ARHGAP26: variants seen among roughly 807,000 people sequenced by gnomAD.
The protein encoded by ARHGAP26 is Rho GTPase activating protein 26.
A neutral mutation model predicts 104.8 loss-of-function variants in ARHGAP26; 38 were observed. The ratio of observed to expected loss-of-function variants is 0.36; its 90% CI spans 0.28 to 0.48. The LOEUF (loss-of-function observed/expected upper bound fraction) is 0.48. Among genes scored for constraint, ARHGAP26 ranks in the 20% least tolerant of loss-of-function variants. The probability of loss-of-function intolerance (pLI) is 0.99; values close to 1 mark genes in which losing one functional copy is unlikely to be tolerated. For synonymous variants in ARHGAP26, 341 were observed against 340.0 expected (o/e 1.00, Z -0.03); for missense variants, 704 against 947.9 (o/e 0.74, Z 3.38).
At chr5:142,885,869 C>CT (rs776926825) in intron 5 of ARHGAP26, among the ~76,000 whole-genome samples, 3 of 152,032 alleles carry the variant, frequency 2.0e-5, no homozygotes, top group Admixed American at 2.0e-4. Context: ...AGTTTTCTTT[C>CT]TTTTTTTATT....
At chr5:143,088,861 A>C (rs1598957793) in intron 17 of ARHGAP26, among the ~76,000 whole-genome samples, 1 of 152,054 alleles carries the variant, frequency 6.6e-6, no homozygotes, top group South Asian at 2.1e-4. Context: ...TGACGGGGTG[A>C]GTGGTTTGGC....
At chr5:142,967,435 A>G (rs1289360197) in intron 11 of ARHGAP26, among the ~76,000 whole-genome samples, 1 of 152,200 alleles carries the variant, frequency 6.6e-6, no homozygotes, top group African/African-American at 2.4e-5. Flanking sequence ...TATTGTCATC[A>G]CTAACGGATG....
At chr5:143,044,633 G>A (rs1186218100) in intron 14 of ARHGAP26, among the ~76,000 whole-genome samples, 1 of 152,224 alleles carries the variant, frequency 6.6e-6, no homozygotes, top group Non-Finnish European at 1.5e-5. Flanking sequence ...CCAGTGGACT[G>A]AGCAGGATTA....
At position 143,220,729 on chromosome 5, in the gene ARHGAP26, T is replaced by A. The variant is rs258825; in HGVS notation, c.2192-1629T>A. Among the ~76,000 whole-genome samples the A allele has an allele frequency of 2.0e-4, 30 of 152,160 alleles. 1 individual carries two copies. In the East Asian group the frequency reaches 5.2e-3, roughly 26 times the overall value. ...TTCCTGAAGCTTAGTGATCTGAAAT[T>A]GGCCAACTTTGGAGGCCAACTAATA... is the stretch of plus-strand genomic sequence containing the variant. On this transcript the variant is annotated intron_variant, in intron 22 of 22. Transcript: ENST00000645722.
chr5:143,122,035 C>T (rs1796203260), intron 18 of ARHGAP26, among the ~76,000 whole-genome samples: 1 of 152,210 alleles, frequency 6.6e-6, no homozygotes, highest in Non-Finnish European at 1.5e-5. Flanking sequence ...CCACCACTAC[C>T]TCTTGTCTGA....
intron 1 of ARHGAP26, among the ~76,000 whole-genome samples, chr5:142,855,396 G>A (rs919267636): frequency 6.6e-6 from 1 of 152,164 alleles, no homozygotes; most frequent in Non-Finnish European, 1.5e-5. Flanking sequence ...TTTTAGAGGT[G>A]CCACTTAAGG....
intron 13 of ARHGAP26, among the ~76,000 whole-genome samples, chr5:143,039,503 G>A (rs1355890328): frequency 1.3e-5 from 2 of 151,512 alleles, no homozygotes; most frequent in East Asian, 1.9e-4. Context: ...CACTGTGCAC[G>A]GTCTAACTTT....
intron 1 of ARHGAP26, among the ~76,000 whole-genome samples, chr5:142,788,849 A>C (rs2151896292): frequency 6.6e-6 from 1 of 152,332 alleles, no homozygotes; most frequent in South Asian, 2.1e-4. Flanking sequence ...TCCACCATTT[A>C]AGTGTTTTCT....
In ARHGAP26 at chr5:142,951,013, CT is replaced by C. The variant is rs1354623701; in HGVS notation, c.1107+18891del. ...TCTTTCCCTTTCTCTTTCCCTTTCC[CT>C]TTCCCTTTCTCTTTCCCTTTCCCTT... On this transcript the variant is annotated intron_variant, in intron 11 of 22. Coordinates refer to ENST00000645722, the MANE Select transcript of ARHGAP26 (RefSeq NM_001135608.3). Among the ~76,000 whole-genome samples the C allele has an allele frequency of 5.8e-4, 4 of 6,864 alleles. 1 individual carries two copies. Among genetic ancestry groups the C allele is most frequent in the African/African-American group, 1.3e-3 (2 of 1,578 alleles). 4.5% of individuals were successfully genotyped at this position (6,864 alleles called of 152,430 possible).
chr5:143,064,268 G>A lies in ARHGAP26; in HGVS notation c.1538+6521G>A, dbSNP rs75183439. The stretch of plus-strand genomic sequence containing the variant: ...ATTCAGGTCTCCTACCTGCCTGGCC[G>A]TGTTGTAGGCATTTGGGTTTTCAAT... On this transcript the variant is annotated intron_variant, in intron 17 of 22. Coordinates refer to ENST00000645722, the MANE Select transcript of ARHGAP26 (RefSeq NM_001135608.3). Among the ~76,000 whole-genome samples the A allele has an allele frequency of 0.025, 3,868 of 152,076 alleles. 760 individuals are homozygous for A. The East Asian group carries it at 0.52, about 20-fold the overall frequency.
intron 11 of ARHGAP26, among the ~76,000 whole-genome samples, chr5:142,943,118 G>GT (rs1163473728): frequency 3.3e-5 from 5 of 152,146 alleles, no homozygotes; most frequent in African/African-American, 1.2e-4. Flanking sequence ...CACGTGTGTT[G>GT]TTTTTTTGTT....
chr5:143,021,698 A>T (rs924469224), intron 12 of ARHGAP26, among the ~76,000 whole-genome samples: 1 of 152,228 alleles, frequency 6.6e-6, no homozygotes, highest in African/African-American at 2.4e-5. Flanking sequence ...TGTAAGAATG[A>T]AAGTTCAGCA....
Position 143,037,278 on chromosome 5 carries a change from G to C in ARHGAP26, c.1210+17G>C, listed in dbSNP as rs1285485740. The C allele has an allele frequency of 6.3e-7, 1 of 1,581,712 alleles. No homozygotes were observed. Among genetic ancestry groups the C allele is most frequent in the African/African-American group, 1.3e-5 (1 of 74,622 alleles). ...AAACCAGAGGTAAAGTAGTTTAACA[G>C]ATGGCATTGTTCTCATAGAAGGTCA... is the stretch of plus-strand genomic sequence containing the variant. On this transcript the variant is annotated intron_variant, in intron 13 of 22. Coordinates refer to ENST00000645722, the MANE Select transcript of ARHGAP26 (RefSeq NM_001135608.3).
At chr5:143,060,346 C>G (rs1786520541) in intron 17 of ARHGAP26, among the ~76,000 whole-genome samples, 1 of 152,144 alleles carries the variant, frequency 6.6e-6, no homozygotes, top group African/African-American at 2.4e-5. Flanking sequence ...TTAAAGTACT[C>G]TTTTGAAACA....
chr5:142,829,224 G>C (rs919996951), intron 1 of ARHGAP26, among the ~76,000 whole-genome samples: 6 of 152,170 alleles, frequency 3.9e-5, no homozygotes, highest in Non-Finnish European at 5.9e-5. Context: ...TCTCTGTGCA[G>C]GACCCAACCA....
At chr5:142,810,477 C>T (rs1319652576) in intron 1 of ARHGAP26, among the ~76,000 whole-genome samples, 1 of 152,136 alleles carries the variant, frequency 6.6e-6, no homozygotes, top group African/African-American at 2.4e-5. Context: ...CTGTTCCTCT[C>T]CCCTCTCCCC....
At chr5:143,174,265 A>AC (rs541447000) in intron 20 of ARHGAP26, among the ~76,000 whole-genome samples, 56 of 152,348 alleles carry the variant, frequency 3.7e-4, no homozygotes, top group African/African-American at 1.3e-3. Context: ...CTACATAGCC[A>AC]CTAAGAAAGA....
chr5:142,838,830 C>T (rs1216593714), intron 1 of ARHGAP26, among the ~76,000 whole-genome samples: 1 of 152,144 alleles, frequency 6.6e-6, no homozygotes, highest in Admixed American at 6.5e-5. Flanking sequence ...GAAACAGACT[C>T]AGAAAAGTTA....
intron 20 of ARHGAP26, among the ~76,000 whole-genome samples, chr5:143,178,125 A>G (rs948053382): frequency 4.7e-5 from 7 of 149,636 alleles, no homozygotes; most frequent in African/African-American, 1.7e-4. Context: ...TCAGCCTCCC[A>G]AGTAGCTGGG....
Sources: allele counts gnomAD v4.1 joint callset (sites outside exome capture counted in the v4.1 genomes callset), GRCh38; gene constraint gnomAD v4.1.1; transcripts MANE v1.5; gene names NCBI Gene and HGNC (gene_info 2026-07-23, HGNC 2026-07-21).